The following UTP20 variants were observed in gnomAD, a reference collection of about 807,000 sequenced individuals.
UTP20 encodes the protein UTP20 small subunit processome component, also known as small subunit processome component 20 homolog.
In UTP20, 164 loss-of-function variants were observed where a neutral mutation model predicts 329.5. The observed-to-expected ratio is 0.50, with a 90% CI of 0.44 to 0.57. The LOEUF is 0.57. Ranked by LOEUF, UTP20 falls within the 20% of genes least tolerant of loss-of-function variation. The pLI is 0.00. For synonymous variants in UTP20, 1,151 were observed against 1,159.3 expected, an observed-to-expected ratio of 0.99 and a Z score of 0.14; for missense variants, 3,055 against 3,284.2, an observed-to-expected ratio of 0.93 and a Z score of 1.71.
rs1024171322 is a variant in UTP20, at chr12:101,340,736, T to C, written c.4101+126T>C. On this transcript the variant is annotated intron_variant, in intron 32 of 61. Transcript: ENST00000261637. ...TTGTCGCAAGGAACTTAAAATACTT[T>C]ATATAGAAATTAAAAAAATTAGAAA... 5.7e-5 allele frequency: 36 copies of C among 630,512 alleles called. No homozygotes were observed. The South Asian group carries it at 7.0e-4, about 12-fold the overall frequency. The allele number at this position is 630,512 out of a possible 1,614,324, so 39.1% of individuals were successfully genotyped here.
intron 60 of UTP20, 35 bp downstream of exon 60, chr12:101,383,704 A>C: frequency 6.8e-7 from 1 of 1,463,418 alleles, no homozygotes; most frequent in Non-Finnish European, 9.1e-7. Flanking sequence ...TGCCTTTTGC[A>C]CATGAGGATT....
rs1310498468 is a variant in UTP20 at position 101,371,066 on chromosome 12, A to G, written c.6696A>G (p.Leu2232=). The G allele has an allele frequency of 6.2e-7, 1 of 1,613,816 alleles. No individual in the cohort carries two copies. The highest frequency in any genetic ancestry group is 8.5e-7 in the Non-Finnish European group (1 of 1,179,940). Residue 2232 remains leucine (L), a synonymous_variant, in exon 51 of 62, where the codon TTA becomes TTG. Transcript: ENST00000261637. ...ATAFGLLKAI[L]SRKLLVPEID... ...TTCCTTTTGTATCTTAGGCAATTTT[A>G]TCAAGAAAGCTGTTGGTCCCAGAAA...
intron 18 of UTP20, 87 bp downstream of exon 18, chr12:101,308,430 T>TAAC: frequency 1.6e-6 from 1 of 640,800 alleles, no homozygotes; most frequent in East Asian, 6.7e-5. Flanking sequence ...ACCAAAATAA[T>TAAC]AATAATAATA....
chr12:101,385,001 T>TG (rs1443675374), intron 60 of UTP20, among the ~76,000 whole-genome samples: 3 of 151,044 alleles, frequency 2.0e-5, no homozygotes, highest in Non-Finnish European at 4.4e-5. Flanking sequence ...AAATTGAAAT[T>TG]GGGGGTTATT....
At position 101,336,931 on chromosome 12, in the gene UTP20, C is replaced by T. The variant is rs80000965; in HGVS notation, c.3642-1120C>T. Among the ~76,000 whole-genome samples, 331 of 152,332 alleles carry T rather than the reference C, an allele frequency of 2.2e-3. 3 individuals carry two copies. The highest frequency in any genetic ancestry group is 7.6e-3 in the African/African-American group (316 of 41,560). The stretch of plus-strand genomic sequence containing the variant: ...GGAAGTTGCATTGTATCTGAATGGG[C>T]TCTTGCTAGGACTTTACTCGCAGTT... On this transcript the variant is annotated intron_variant, in intron 29 of 61. Coordinates refer to ENST00000261637, the MANE Select transcript of UTP20 (RefSeq NM_014503.3).
chr12:101,338,993 C>T, intron 31 of UTP20, 36 bp downstream of exon 31: 1 of 1,545,032 alleles, frequency 6.5e-7, no homozygotes, highest in African/African-American at 1.4e-5. Flanking sequence ...GATAACATTA[C>T]CATCCTTGGT....
intron 52 of UTP20, 59 bp downstream of exon 52, chr12:101,373,022 A>C: frequency 7.1e-7 from 1 of 1,409,114 alleles, no homozygotes; most frequent in Non-Finnish European, 1.0e-6. Flanking sequence ...TCCCTTTAAC[A>C]TGGCGGCTGT....
Position 101,344,633 on chromosome 12 carries a change from C to A in UTP20, c.4488C>A (p.Cys1496Ter). 2 of 1,229,612 alleles carry A rather than the reference C, an allele frequency of 1.6e-6. No homozygotes were observed. Among genetic ancestry groups the A allele is most frequent in the South Asian group, 1.2e-5 (1 of 83,494 alleles). 76.2% of individuals were successfully genotyped at this position (1,229,612 alleles called of 1,614,324 possible). A position where few individuals can be genotyped will look rare whatever the true frequency, so the allele number is the denominator to read the frequency against. ...GTTTAAGTGATAATGCCAGCATGTG[C>A]CTGATGAGTATCATCAAAAAGCTAG... Reference protein sequence around the residue: ...DMSLSDNASMCLMSIIKKLAA... With the variant: ...DMSLSDNASM Residue 1496 changes from cysteine (C) to a stop codon, truncating the protein, a stop_gained, in exon 36 of 62, where the codon TGC (cysteine) becomes TGA (stop). Coordinates refer to ENST00000261637, the MANE Select transcript of UTP20 (RefSeq NM_014503.3). LOFTEE classifies it high-confidence loss of function.
intron 18 of UTP20, 101 bp from the exon 19 acceptor site, chr12:101,309,662 C>T: frequency 8.5e-7 from 1 of 1,170,522 alleles, no homozygotes; most frequent in Non-Finnish European, 1.2e-6. Flanking sequence ...AGGCTTCTTT[C>T]CAAACCTCAG....
Position 101,286,503 on chromosome 12 carries a change from T to C in UTP20, c.509T>C (p.Ile170Thr), listed in dbSNP as rs1871966469. ...WRLMVKDMSS[I>T]YSMYSTLLAH... ...CTGATGGTGAAGGACATGTCCAGTA[T>C]ATACAGGTAACCCCTTTCTCTCTCT... The change falls in exon 5 of 62, where the codon ATA (isoleucine) becomes ACA (threonine). Residue 170 changes from isoleucine to threonine, a missense_variant. Physicochemically the swap from Ile to Thr is moderately conservative, Grantham distance 89. This residue lies in a region of UTP20 where 2,445 missense variants were observed against 2,575.5 expected (regional missense o/e 0.95). Coordinates refer to ENST00000261637, the MANE Select transcript of UTP20 (RefSeq NM_014503.3). 1 of 1,586,150 alleles carries C rather than the reference T, an allele frequency of 6.3e-7. No individual in the cohort carries two copies. Among genetic ancestry groups the C allele is most frequent in the Non-Finnish European group, 8.6e-7 (1 of 1,166,552 alleles).
At chr12:101,354,261 CAAAAAAAAAAA>C (rs71091489) in intron 40 of UTP20, among the ~76,000 whole-genome samples, 4 of 80,010 alleles carry the variant, frequency 5.0e-5, no homozygotes, top group South Asian at 8.3e-4. Flanking sequence ...GACTCTGTCT[CAAAAAAAAAAA>C]AAAAAAAAAA....
At chr12:101,302,791 TAAA>T (rs1180784529) in intron 15 of UTP20, among the ~76,000 whole-genome samples, 1 of 152,234 alleles carries the variant, frequency 6.6e-6, no homozygotes, top group African/African-American at 2.4e-5. Context: ...ATTAATGTCG[TAAA>T]GTTTGAAGGG....
At chr12:101,282,664 C>T (rs1025941029) in intron 2 of UTP20, among the ~76,000 whole-genome samples, 2 of 152,200 alleles carry the variant, frequency 1.3e-5, no homozygotes, top group African/African-American at 2.4e-5. Flanking sequence ...TTCAATCTCT[C>T]TGGCTTTAGT....
chr12:101,312,631 G>A (rs1465833378), intron 21 of UTP20, among the ~76,000 whole-genome samples: 1 of 152,104 alleles, frequency 6.6e-6, no homozygotes, highest in African/African-American at 2.4e-5. Context: ...GTACAGACGG[G>A]GTTTCTCCAT....
chr12:101,349,070 G>A (rs548165758), intron 38 of UTP20, among the ~76,000 whole-genome samples: 2 of 152,044 alleles, frequency 1.3e-5, no homozygotes, highest in East Asian at 1.9e-4. Context: ...TTTAAAGATG[G>A]TGCTCAACTG....
At position 101,354,838 on chromosome 12, in the gene UTP20, T is replaced by A; in HGVS notation, c.5114T>A (p.Ile1705Asn). 5 of 1,612,740 alleles carry A rather than the reference T, an allele frequency of 3.1e-6. No homozygotes were observed. The highest frequency in any genetic ancestry group is 4.2e-6 in the Non-Finnish European group (5 of 1,179,352). ...MGKIENEENAIEAIELPEPEA... is the reference protein window; with the variant it reads ...MGKIENEENANEAIELPEPEA... Reference sequence around the variant, plus strand: ...TGTTGTTTATTAAACATAGACGCAATTGAAGCAATTGAGTTACCAGAGCCT... The same window carrying A: ...TGTTGTTTATTAAACATAGACGCAAATGAAGCAATTGAGTTACCAGAGCCT... Residue 1705 changes from isoleucine (I) to asparagine (N), a missense_variant, in exon 41 of 62, where the codon ATT (isoleucine) becomes AAT (asparagine). Physicochemically the swap from Ile to Asn is moderately radical, Grantham distance 149. This residue lies in a region of UTP20 where 2,445 missense variants were observed against 2,575.5 expected (regional missense o/e 0.95). Coordinates refer to ENST00000261637, the MANE Select transcript of UTP20 (RefSeq NM_014503.3).
chr12:101,310,273 A>C (rs1222903978), intron 19 of UTP20, among the ~76,000 whole-genome samples: 1 of 152,122 alleles, frequency 6.6e-6, no homozygotes, highest in Non-Finnish European at 1.5e-5. Flanking sequence ...TTCAGTGGTC[A>C]CATAGAAAAT....
rs577142135 is a variant in UTP20, at chr12:101,381,346, A to G, written c.7656+135A>G. ...TCAGGAGTTCGAGATGAGCCTGGCCAACATGGCGAAACCCCATCTCTACTA... is the reference window on the plus strand; with the variant it reads ...TCAGGAGTTCGAGATGAGCCTGGCCGACATGGCGAAACCCCATCTCTACTA... On this transcript the variant is annotated intron_variant, in intron 58 of 61. Coordinates refer to ENST00000261637, the MANE Select transcript of UTP20 (RefSeq NM_014503.3). 702 of 689,484 alleles carry G rather than the reference A, an allele frequency of 1.0e-3. 2 individuals carry two copies. Among genetic ancestry groups the G allele is most frequent in the Non-Finnish European group, 1.6e-3 (623 of 398,356 alleles). The allele number at this position is 689,484 out of a possible 1,614,324, so 42.7% of individuals were successfully genotyped here.
chr12:101,307,567 G>T (rs1850731173), intron 17 of UTP20, among the ~76,000 whole-genome samples: 1 of 152,106 alleles, frequency 6.6e-6, no homozygotes, highest in Non-Finnish European at 1.5e-5. Context: ...AGTAAAGATG[G>T]AGTTTTGCCA....
Sources: gnomAD v4.1 joint callset for allele counts (sites outside exome capture counted in the v4.1 genomes callset) on GRCh38, gnomAD v4.1.1 for gene constraint, gnomAD v4.1.1 regional missense constraint, MANE v1.5 for transcripts, NCBI Gene and HGNC (gene_info 2026-07-23, HGNC 2026-07-21) for gene names.